The following PKNOX2 variants were observed in gnomAD, a reference collection of about 807,000 sequenced individuals.
PKNOX2 encodes homeobox protein PKNOX2.
In PKNOX2, 14 loss-of-function variants were observed where a neutral mutation model predicts 53.1. That is an observed-to-expected ratio of 0.26 (90% CI 0.17 to 0.41). PKNOX2 has a LOEUF of 0.41. PKNOX2 is among the 10% of genes least tolerant of loss of function. The probability of loss-of-function intolerance (pLI) is 1.00; values close to 1 mark genes in which losing one functional copy is unlikely to be tolerated. For synonymous variants in PKNOX2, 257 were observed against 242.8 expected (o/e 1.06, Z -0.54); for missense variants, 496 against 602.8 (o/e 0.82, Z 1.85).
At chr11:125,207,410 G>A (rs1436946871) in intron 1 of PKNOX2, among the ~76,000 whole-genome samples, 2 of 152,056 alleles carry the variant, frequency 1.3e-5, no homozygotes, top group Non-Finnish European at 2.9e-5. Context: ...GGGTGTATAA[G>A]CTCTCCCAGG....
rs907328890 is a variant in PKNOX2 at position 125,235,775 on chromosome 11, C to T, written c.-130+660C>T. Among the ~76,000 whole-genome samples the T allele has an allele frequency of 4.7e-4, 72 of 152,202 alleles. 4 individuals are homozygous for T. The highest frequency in any genetic ancestry group is 1.2e-4 in the African/African-American group (5 of 41,432). On this transcript the variant is annotated intron_variant, in intron 2 of 12. Transcript: ENST00000298282. ...AATTCCGCAGCATTCACACACGCTG[C>T]CCCTGCCTGTGTCCCCTGCCTCTGT...
chr11:125,183,802 G>A (rs1035420031), intron 1 of PKNOX2, among the ~76,000 whole-genome samples: 1 of 152,174 alleles, frequency 6.6e-6, no homozygotes, highest in East Asian at 1.9e-4. Flanking sequence ...CTGAGCTGAG[G>A]GCATCAGCAG....
chr11:125,348,891 C>T (rs973218190), intron 3 of PKNOX2, among the ~76,000 whole-genome samples: 4 of 152,200 alleles, frequency 2.6e-5, no homozygotes, highest in Non-Finnish European at 5.9e-5. Flanking sequence ...GGGAGAAAGC[C>T]CTCCTTCCTG....
At chr11:125,172,520 C>A (rs1638829753) in intron 1 of PKNOX2, among the ~76,000 whole-genome samples, 1 of 152,134 alleles carries the variant, frequency 6.6e-6, no homozygotes, top group Non-Finnish European at 1.5e-5. Flanking sequence ...AAAGGGGGGA[C>A]TGGTAGTCTG....
chr11:125,430,924 T>C (rs1956671564), intron 12 of PKNOX2, among the ~76,000 whole-genome samples: 1 of 152,152 alleles, frequency 6.6e-6, no homozygotes, highest in Non-Finnish European at 1.5e-5. Context: ...GGCCAACACA[T>C]AAAGAAAATG....
intron 2 of PKNOX2, among the ~76,000 whole-genome samples, chr11:125,237,818 C>T (rs951909396): frequency 6.6e-6 from 1 of 152,094 alleles, no homozygotes; most frequent in East Asian, 1.9e-4. Context: ...TGGAGGAGTC[C>T]TAGACTGTGA....
At chr11:125,271,857 A>T (rs1945816580) in intron 2 of PKNOX2, among the ~76,000 whole-genome samples, 1 of 152,164 alleles carries the variant, frequency 6.6e-6, no homozygotes, top group African/African-American at 2.4e-5. Context: ...GGAGCCATTG[A>T]TGAGCCAGAC....
chr11:125,222,145 A>G (rs1941207646), intron 1 of PKNOX2, among the ~76,000 whole-genome samples: 1 of 152,188 alleles, frequency 6.6e-6, no homozygotes. Context: ...GATGGCCCCA[A>G]ACTCTTCCTT....
intron 3 of PKNOX2, among the ~76,000 whole-genome samples, chr11:125,342,622 TCA>T (rs1433360275): frequency 6.6e-6 from 1 of 152,186 alleles, no homozygotes; most frequent in East Asian, 1.9e-4. Context: ...TTTTCTCAGC[TCA>T]GTGCCTGAGC....
intron 7 of PKNOX2, among the ~76,000 whole-genome samples, chr11:125,406,190 G>T (rs144917407): frequency 1.3e-5 from 2 of 152,172 alleles, no homozygotes; most frequent in African/African-American, 4.8e-5. Flanking sequence ...TGCTCCCCAC[G>T]GGGTTTCCAC....
chr11:125,224,515 A>T lies in PKNOX2; in HGVS notation c.-200-10530A>T, dbSNP rs1311385813. Among the ~76,000 whole-genome samples, 3 of 152,138 alleles carry T rather than the reference A, an allele frequency of 2.0e-5. No homozygotes were observed. In the East Asian group the frequency reaches 5.8e-4, roughly 29 times the overall value. On this transcript the variant is annotated intron_variant, in intron 1 of 12. Coordinates refer to ENST00000298282, the MANE Select transcript of PKNOX2 (RefSeq NM_001382323.2). ...CGAGGCCTGTGCTGTGAACTCAGGA[A>T]ATCTCCCGCCCCTTGCCTGTTTATG...
chr11:125,411,462 T>TCCTCTCTC (rs5742470), intron 9 of PKNOX2: 1 of 236,510 alleles, frequency 4.2e-6, no homozygotes, highest in Non-Finnish European at 7.9e-6. Context: ...TCCTCTGTCT[T>TCCTCTCTC]TCTCTCTCTC....
intron 1 of PKNOX2, among the ~76,000 whole-genome samples, chr11:125,203,305 G>T (rs1053113619): frequency 6.6e-6 from 1 of 152,166 alleles, no homozygotes; most frequent in Non-Finnish European, 1.5e-5. Context: ...ACAAGGTCTC[G>T]CTATGTTGGC....
chr11:125,271,002 T>TG (rs1036633381), intron 2 of PKNOX2, among the ~76,000 whole-genome samples: 4 of 152,070 alleles, frequency 2.6e-5, no homozygotes, highest in African/African-American at 4.8e-5. Context: ...TTAGCTGCCT[T>TG]GGGGGGTGAC....
At chr11:125,189,437 G>A (rs1467026035) in intron 1 of PKNOX2, among the ~76,000 whole-genome samples, 14 of 57,254 alleles carry the variant, frequency 2.4e-4, no homozygotes, top group South Asian at 6.4e-4. Flanking sequence ...GTGTGTGTGT[G>A]TGTGTGTGTG....
chr11:125,388,544 G>A lies in PKNOX2; in HGVS notation c.399+2822G>A, dbSNP rs1003389380. Among the ~76,000 whole-genome samples the A allele has an allele frequency of 3.9e-4, 59 of 152,148 alleles. 1 individual carries two copies. The highest frequency in any genetic ancestry group is 1.3e-3 in the African/African-American group (52 of 41,474). Reference sequence around the variant, plus strand: ...TGACTTTCATAGGGATTGTCAGGAGGGCACTTGGGTCCCCAAAAACTTTGT... The same window carrying A: ...TGACTTTCATAGGGATTGTCAGGAGAGCACTTGGGTCCCCAAAAACTTTGT... On this transcript the variant is annotated intron_variant, in intron 6 of 12. Coordinates refer to ENST00000298282, the MANE Select transcript of PKNOX2 (RefSeq NM_001382323.2).
intron 2 of PKNOX2, among the ~76,000 whole-genome samples, chr11:125,247,397 C>T (rs1943644011): frequency 6.6e-6 from 1 of 152,108 alleles, no homozygotes; most frequent in African/African-American, 2.4e-5. Context: ...GGTTTCTATA[C>T]TGTCTCTACC....
chr11:125,320,123 G>C (rs1288650407), intron 2 of PKNOX2, among the ~76,000 whole-genome samples: 1 of 152,192 alleles, frequency 6.6e-6, no homozygotes, highest in Non-Finnish European at 1.5e-5. Context: ...GCTGTTTCCT[G>C]TTTCTCATTT....
chr11:125,281,694 G>T (rs997355259), intron 2 of PKNOX2, among the ~76,000 whole-genome samples: 5 of 152,188 alleles, frequency 3.3e-5, no homozygotes, highest in Non-Finnish European at 7.3e-5. Context: ...AACAAACCAT[G>T]TGTTTCCTTT....
Sources: gnomAD v4.1 joint callset for allele counts (sites outside exome capture counted in the v4.1 genomes callset) on GRCh38, gnomAD v4.1.1 for gene constraint, MANE v1.5 for transcripts, NCBI Gene and HGNC (gene_info 2026-07-23, HGNC 2026-07-21) for gene names.